Variants in TMEM164 observed in about 807,000 individuals in gnomAD.
TMEM164 encodes the protein transmembrane protein 164.
Under a neutral mutation model 18.8 loss-of-function variants are expected in TMEM164, and 4 were observed. That is an observed-to-expected ratio of 0.21 (90% CI 0.10 to 0.49). The LOEUF (loss-of-function observed/expected upper bound fraction) is 0.49, where lower values mean the gene tolerates loss of function less well. Among genes scored for constraint, TMEM164 ranks in the 20% least tolerant of loss-of-function variants. TMEM164 has a pLI of 0.98. For missense variants in TMEM164, 108 were observed against 239.9 expected, an observed-to-expected ratio of 0.45 and a Z score of 3.63; for synonymous variants, 86 against 101.7, an observed-to-expected ratio of 0.85 and a Z score of 0.93.
At chrX:110,034,939 A>G (rs1189558886) in intron 2 of TMEM164, among the ~76,000 whole-genome samples, 4 of 105,288 alleles carry the variant, frequency 3.8e-5, no homozygotes, top group African/African-American at 1.4e-4. Context: ...ATGAAATTGG[A>G]AATCATCATT....
intron 2 of TMEM164, among the ~76,000 whole-genome samples, chrX:110,042,874 G>T (rs754897633): frequency 8.9e-6 from 1 of 112,378 alleles, no homozygotes; most frequent in Admixed American, 9.4e-5. Flanking sequence ...AAAAAACTGG[G>T]TTTTTGTTGC....
intron 3 of TMEM164, among the ~76,000 whole-genome samples, chrX:110,097,884 GT>G (rs1180064278): frequency 2.7e-5 from 3 of 112,371 alleles, no homozygotes; most frequent in Non-Finnish European, 5.6e-5. Flanking sequence ...AGAGTTCAGT[GT>G]TTTGCTTCTC....
chrX:110,069,570 C>CTTTTTTTTTTTTTTTA (rs2065552648), intron 3 of TMEM164, among the ~76,000 whole-genome samples: 1 of 91,465 alleles, frequency 1.1e-5, no homozygotes, highest in Non-Finnish European at 2.2e-5. Flanking sequence ...TTTATATTGA[C>CTTTTTTTTTTTTTTTA]TTTTTTTTTT....
At chrX:110,032,179 T>A (rs1304181677) in intron 2 of TMEM164, among the ~76,000 whole-genome samples, 1 of 111,896 alleles carries the variant, frequency 8.9e-6, no homozygotes, top group Non-Finnish European at 1.9e-5. Context: ...GAAAATAATA[T>A]TTTAGGTACA....
chrX:110,123,654 C>T lies in TMEM164; in HGVS notation c.507+14508C>T, dbSNP rs1245681749. On this transcript the variant is annotated intron_variant, in intron 4 of 6. Coordinates refer to ENST00000372068, the MANE Select transcript of TMEM164 (RefSeq NM_032227.4). Reference sequence around the variant, plus strand: ...GTTATTTAAGCAACTGAACTTTGCTCAATCGCCTCATCTGTACAACAGAAA... The same window carrying T: ...GTTATTTAAGCAACTGAACTTTGCTTAATCGCCTCATCTGTACAACAGAAA... 5.4e-5 allele frequency among the ~76,000 whole-genome samples: 6 copies of T among 112,133 alleles called. No homozygotes were observed. In the East Asian group the frequency reaches 1.7e-3, roughly 31 times the overall value.
intron 2 of TMEM164, among the ~76,000 whole-genome samples, chrX:110,049,133 G>A (rs1847113017): frequency 8.9e-6 from 1 of 111,770 alleles, no homozygotes; most frequent in African/African-American, 3.3e-5. Flanking sequence ...AGATATAAGG[G>A]CCTTTAGATC....
At chrX:110,088,605 A>C (rs539232225) in intron 3 of TMEM164, among the ~76,000 whole-genome samples, 1 of 111,876 alleles carries the variant, frequency 8.9e-6, no homozygotes, top group Non-Finnish European at 1.9e-5. Context: ...CTGCTTTCCT[A>C]GGAGCCACCT....
At chrX:110,123,412 C>G (rs1441449398) in intron 4 of TMEM164, among the ~76,000 whole-genome samples, 1 of 111,470 alleles carries the variant, frequency 9.0e-6, no homozygotes, top group Non-Finnish European at 1.9e-5. Context: ...GGCTGGAAAG[C>G]AAAGTTGAAA....
intron 5 of TMEM164, among the ~76,000 whole-genome samples, chrX:110,159,445 G>A (rs1016118671): frequency 7.2e-5 from 8 of 110,856 alleles, no homozygotes; most frequent in Non-Finnish European, 3.8e-5. Context: ...CAGCAGAGGC[G>A]GGGCAGTTCA....
intron 3 of TMEM164, among the ~76,000 whole-genome samples, chrX:110,090,650 C>T (rs964967337): frequency 4.5e-5 from 5 of 111,492 alleles, no homozygotes; most frequent in Non-Finnish European, 9.4e-5. Flanking sequence ...GTGAATAGCG[C>T]AGTACATAGA....
At chrX:110,019,441 T>G (rs918229748) in intron 2 of TMEM164, among the ~76,000 whole-genome samples, 4 of 111,510 alleles carry the variant, frequency 3.6e-5, no homozygotes, top group Non-Finnish European at 7.5e-5. Flanking sequence ...TAGAGCAGCC[T>G]TGTGATTGAT....
Position 110,174,382 on chromosome X carries a change from CT to C in TMEM164, c.*932del, listed in dbSNP as rs1487333309. ...CTCCCCCCACCCCTCCCCCTCCCCC[CT>C]CCCTCCCTCTTTCCCTCTCTCAGGC... On this transcript the variant is annotated 3_prime_UTR_variant, in exon 7 of 7. Transcript: ENST00000372068. 1.2e-5 allele frequency: 1 copy of C among 82,051 alleles called. No homozygotes were observed. The highest frequency in any genetic ancestry group is 2.4e-5 in the Non-Finnish European group (1 of 42,542). 6.8% of individuals were successfully genotyped at this position (82,051 alleles called of 1,213,427 possible).
chrX:110,073,858 T>TAA (rs1482004893), intron 3 of TMEM164, among the ~76,000 whole-genome samples: 5 of 110,919 alleles, frequency 4.5e-5, no homozygotes, highest in African/African-American at 1.6e-4. Flanking sequence ...CTGATTGGTG[T>TAA]GAGATGATAT....
At chrX:110,097,217 C>G (rs991015912) in intron 3 of TMEM164, among the ~76,000 whole-genome samples, 3 of 111,925 alleles carry the variant, frequency 2.7e-5, no homozygotes, top group African/African-American at 9.8e-5. Context: ...AATGATCTGC[C>G]TGCCTTGGCC....
chrX:110,054,249 A>T (rs1296076877), intron 2 of TMEM164, among the ~76,000 whole-genome samples: 2 of 112,266 alleles, frequency 1.8e-5, no homozygotes, highest in Non-Finnish European at 1.9e-5. Context: ...AATATGTGTA[A>T]GACATTGACT....
intron 5 of TMEM164, among the ~76,000 whole-genome samples, chrX:110,151,578 C>T (rs771482739): frequency 6.3e-5 from 7 of 111,451 alleles, no homozygotes; most frequent in East Asian, 2.8e-4. Flanking sequence ...GTCATGAGTT[C>T]GAGACCAGCC....
chrX:110,117,177 T>G (rs1026594720), intron 4 of TMEM164, among the ~76,000 whole-genome samples: 1 of 111,229 alleles, frequency 9.0e-6, no homozygotes, highest in South Asian at 3.7e-4. Context: ...TTTAAGTAAC[T>G]TGTACAGGGG....
At chrX:110,002,704 C>G (rs1932379097), upstream of TMEM164, 1 of 110,649 alleles carries the variant, frequency 9.0e-6, no homozygotes, top group Admixed American at 9.4e-5. Context: ...CCAGGGGAAC[C>G]GAGCGCCCGG....
At chrX:110,049,217 G>C (rs980343660) in intron 2 of TMEM164, among the ~76,000 whole-genome samples, 5 of 111,363 alleles carry the variant, frequency 4.5e-5, no homozygotes, top group Non-Finnish European at 9.4e-5. Flanking sequence ...AATATTGTTT[G>C]CCTTCTCATT....
Sources: gnomAD v4.1 joint callset for allele counts (sites outside exome capture counted in the v4.1 genomes callset) on GRCh38, gnomAD v4.1.1 for gene constraint, MANE v1.5 for transcripts, NCBI Gene and HGNC (gene_info 2026-07-23, HGNC 2026-07-21) for gene names.